The following POU6F2 variants were observed in gnomAD, a reference collection of about 807,000 sequenced individuals.
POU6F2 encodes POU domain, class 6, transcription factor 2.
POU6F2 carries 31 observed loss-of-function variants against 71.3 expected under a neutral mutation model. That is an observed-to-expected ratio of 0.43 (90% CI 0.33 to 0.59). The LOEUF (loss-of-function observed/expected upper bound fraction) is 0.59, where lower values mean the gene tolerates loss of function less well. POU6F2 is among the 20% of genes least tolerant of loss of function. POU6F2 has a pLI of 0.04. For synonymous variants in POU6F2, 347 were observed against 355.7 expected (o/e 0.98, Z 0.27); for missense variants, 783 against 856.8 (o/e 0.91, Z 1.07).
chr7:39,059,777 A>C (rs552940124), intron 1 of POU6F2, among the ~76,000 whole-genome samples: 1 of 152,352 alleles, frequency 6.6e-6, no homozygotes, highest in South Asian at 2.1e-4. Flanking sequence ...GAACTAACCC[A>C]AATACCCATC....
At chr7:39,365,688 GA>G (rs573200074) in intron 5 of POU6F2, among the ~76,000 whole-genome samples, 1 of 151,934 alleles carries the variant, frequency 6.6e-6, no homozygotes, top group African/African-American at 2.4e-5. Flanking sequence ...AAATTAGCAA[GA>G]AAAAAACAAT....
chr7:39,340,016 G>C lies in POU6F2; in HGVS notation c.972+1G>C, dbSNP rs1236022549. The C allele has an allele frequency of 6.3e-7, 1 of 1,598,950 alleles. No homozygotes were observed. Among genetic ancestry groups the C allele is most frequent in the Non-Finnish European group, 8.6e-7 (1 of 1,168,926 alleles). On this transcript the variant is annotated splice_donor_variant, in intron 5 of 9. Coordinates refer to ENST00000518318, the MANE Select transcript of POU6F2 (RefSeq NM_001370959.1). LOFTEE classifies it high-confidence loss of function. Reference sequence around the variant, plus strand: ...GCTCACGCCACCCAATCCTCTACAGGTATGCTCCCCGTGCTTCCCGTCTGC... The same window carrying C: ...GCTCACGCCACCCAATCCTCTACAGCTATGCTCCCCGTGCTTCCCGTCTGC...
intron 1 of POU6F2, among the ~76,000 whole-genome samples, chr7:39,065,866 T>G (rs1790743474): frequency 6.6e-6 from 1 of 151,622 alleles, no homozygotes; most frequent in Non-Finnish European, 1.5e-5. Context: ...AATCTCAAAT[T>G]TTCAAAAGAC....
At chr7:38,993,507 G>T (rs941588168) in intron 1 of POU6F2, among the ~76,000 whole-genome samples, 4 of 128,342 alleles carry the variant, frequency 3.1e-5, no homozygotes. Context: ...ATTTCTCAGG[G>T]GTTGCAGGTT....
At chr7:39,022,386 A>G (rs1258139012) in intron 1 of POU6F2, among the ~76,000 whole-genome samples, 5 of 152,032 alleles carry the variant, frequency 3.3e-5, no homozygotes, top group Admixed American at 3.3e-4. Context: ...CTGATTGCTC[A>G]ACCTGATTAT....
At chr7:39,421,390 A>G (rs879936618) in intron 6 of POU6F2, among the ~76,000 whole-genome samples, 5 of 152,224 alleles carry the variant, frequency 3.3e-5, no homozygotes, top group Non-Finnish European at 7.3e-5. Flanking sequence ...CACAGAAAGC[A>G]TATGAATCAT....
intron 1 of POU6F2, among the ~76,000 whole-genome samples, chr7:39,009,717 G>C (rs1584495433): frequency 6.6e-6 from 1 of 152,012 alleles, no homozygotes; most frequent in South Asian, 2.1e-4. Flanking sequence ...AATTTATTGA[G>C]AGTTTTTAGC....
intron 1 of POU6F2, among the ~76,000 whole-genome samples, chr7:38,978,852 T>A (rs1032346312): frequency 3.9e-5 from 6 of 152,202 alleles, no homozygotes; most frequent in African/African-American, 7.2e-5. Context: ...GTCTTCCAAA[T>A]GGGTCAGTGA....
intron 1 of POU6F2, among the ~76,000 whole-genome samples, chr7:39,018,921 C>G (rs1011700537): frequency 6.6e-6 from 1 of 152,140 alleles, no homozygotes; most frequent in African/African-American, 2.4e-5. Context: ...TCATTTGCTT[C>G]TTGGAAACAC....
intron 1 of POU6F2, among the ~76,000 whole-genome samples, chr7:39,054,799 C>G (rs1171946057): frequency 8.9e-5 from 13 of 146,086 alleles, no homozygotes; most frequent in Non-Finnish European, 1.8e-4. Flanking sequence ...AAAAAAAGAG[C>G]AAGCAAACAA....
chr7:39,344,238 G>A (rs2115639796), intron 5 of POU6F2, among the ~76,000 whole-genome samples: 1 of 152,276 alleles, frequency 6.6e-6, no homozygotes, highest in African/African-American at 2.4e-5. Flanking sequence ...GAATTGGACA[G>A]TGAAAACTAT....
chr7:39,015,849 A>G (rs1789494308), intron 1 of POU6F2, among the ~76,000 whole-genome samples: 1 of 49,512 alleles, frequency 2.0e-5, no homozygotes, highest in Non-Finnish European at 4.1e-5. Context: ...TATATTATAT[A>G]TAGATATATA....
At chr7:39,375,397 G>T (rs1268395659) in intron 5 of POU6F2, among the ~76,000 whole-genome samples, 1 of 152,040 alleles carries the variant, frequency 6.6e-6, no homozygotes. Context: ...TCTTATTCAG[G>T]TGATGACCAG....
chr7:39,015,080 T>A (rs1789435672), intron 1 of POU6F2, among the ~76,000 whole-genome samples: 2 of 151,060 alleles, frequency 1.3e-5, no homozygotes, highest in South Asian at 4.2e-4. Flanking sequence ...ATTATGTCAG[T>A]AACTCTGTTA....
At chr7:39,270,604 G>A (rs1050322837) in intron 4 of POU6F2, among the ~76,000 whole-genome samples, 2 of 152,178 alleles carry the variant, frequency 1.3e-5, no homozygotes. Flanking sequence ...TGAAGTGTAT[G>A]TGGGGCTTTT....
At chr7:38,997,325 A>G (rs1224563149) in intron 1 of POU6F2, among the ~76,000 whole-genome samples, 1 of 152,108 alleles carries the variant, frequency 6.6e-6, no homozygotes, top group Non-Finnish European at 1.5e-5. Flanking sequence ...ACTCTAGTCT[A>G]ATTGAACTAG....
Position 39,142,226 on chromosome 7 carries a change from C to T in POU6F2, c.277+56195C>T, listed in dbSNP as rs1370025758. The stretch of plus-strand genomic sequence containing the variant: ...GAAGAGCAAATGGTACATGCTGAAG[C>T]ATGGAGGCCTGGCTTGTGGCTGGCA... On this transcript the variant is annotated intron_variant, in intron 2 of 9. Coordinates refer to ENST00000518318, the MANE Select transcript of POU6F2 (RefSeq NM_001370959.1). Among the ~76,000 whole-genome samples, 3 of 152,162 alleles carry T rather than the reference C, an allele frequency of 2.0e-5. No homozygotes were observed. In the East Asian group the frequency reaches 5.8e-4, roughly 29 times the overall value.
intron 4 of POU6F2, among the ~76,000 whole-genome samples, chr7:39,262,303 T>G (rs1180681202): frequency 6.6e-6 from 1 of 152,144 alleles, no homozygotes; most frequent in Non-Finnish European, 1.5e-5. Flanking sequence ...AAAACAGGAA[T>G]GAATGGTGGA....
intron 1 of POU6F2, among the ~76,000 whole-genome samples, chr7:39,052,452 A>G (rs1030185607): frequency 6.6e-6 from 1 of 152,124 alleles, no homozygotes; most frequent in African/African-American, 2.4e-5. Flanking sequence ...TTCACAGGGC[A>G]GCAGGAGAGA....
Sources: allele counts gnomAD v4.1 joint callset (sites outside exome capture counted in the v4.1 genomes callset), GRCh38; gene constraint gnomAD v4.1.1; transcripts MANE v1.5; gene names NCBI Gene and HGNC (gene_info 2026-07-23, HGNC 2026-07-21).